TRMT9B: variants seen among roughly 807,000 people sequenced by gnomAD.
The protein encoded by TRMT9B is probable tRNA methyltransferase 9B.
In TRMT9B, 16 loss-of-function variants were observed where a neutral mutation model predicts 11.5. The observed-to-expected ratio is 1.39, with a 90% CI of 0.94 to 2.11. The LOEUF (loss-of-function observed/expected upper bound fraction) is 2.11. Ranked by LOEUF, TRMT9B falls within the 30% of genes most tolerant of loss-of-function variation. The pLI, the probability that TRMT9B is intolerant of heterozygous loss-of-function variation, is 0.00. For synonymous variants in TRMT9B, 274 were observed against 192.4 expected (o/e 1.42, Z -3.51); for missense variants, 941 against 553.8 (o/e 1.70, Z -7.02).
At chr8:12,949,191 C>A (rs1459735740) in intron 1 of TRMT9B, among the ~76,000 whole-genome samples, 1 of 151,608 alleles carries the variant, frequency 6.6e-6, no homozygotes, top group East Asian at 1.9e-4. Context: ...AATCTCCATT[C>A]TAAGAACTCA....
chr8:13,011,656 A>G, intron 3 of TRMT9B: 1 of 979,488 alleles, frequency 1.0e-6, no homozygotes, highest in Non-Finnish European at 1.2e-6. Context: ...TAACATCAGT[A>G]AGACCTCAAT....
At chr8:13,011,458 C>T (rs1393220729) in intron 3 of TRMT9B, 1 of 985,098 alleles carries the variant, frequency 1.0e-6, no homozygotes, top group Admixed American at 6.2e-5. Flanking sequence ...TGGTAGATAT[C>T]TTTTCAGGTA....
intron 1 of TRMT9B, among the ~76,000 whole-genome samples, chr8:12,976,835 A>T (rs1466513047): frequency 3.9e-5 from 6 of 152,142 alleles, no homozygotes; most frequent in Non-Finnish European, 8.8e-5. Flanking sequence ...CCCAGGAAAG[A>T]GCTGCCCAGC....
At position 13,023,761 on chromosome 8, in the gene TRMT9B, C is replaced by G. The variant is rs1175564891; in HGVS notation, c.*1717C>G. ...AACGAATTTCATTTGTTCTTGGGTT[C>G]TTTTTTCCTTTAATGATTGTGCTAT... is the stretch of plus-strand genomic sequence containing the variant. On this transcript the variant is annotated 3_prime_UTR_variant, in exon 5 of 5. Transcript: ENST00000524591. The G allele has an allele frequency of 6.0e-6, 1 of 166,468 alleles. No individual in the cohort carries two copies. The highest frequency in any genetic ancestry group is 2.4e-5 in the African/African-American group (1 of 41,420). The allele number at this position is 166,468 out of a possible 1,614,324, so 10.3% of individuals were successfully genotyped here.
At chr8:12,967,077 C>T (rs1802924116) in intron 1 of TRMT9B, among the ~76,000 whole-genome samples, 1 of 152,104 alleles carries the variant, frequency 6.6e-6, no homozygotes, top group African/African-American at 2.4e-5. Flanking sequence ...TTTAACAGTA[C>T]ACAAAATTCA....
At chr8:12,982,558 A>G (rs1388533725) in intron 1 of TRMT9B, among the ~76,000 whole-genome samples, 1 of 152,024 alleles carries the variant, frequency 6.6e-6, no homozygotes, top group African/African-American at 2.4e-5. Flanking sequence ...GCTACTCGGG[A>G]GGCTGAGATG....
At chr8:12,970,536 C>G (rs1275644584) in intron 1 of TRMT9B, among the ~76,000 whole-genome samples, 1 of 152,152 alleles carries the variant, frequency 6.6e-6, no homozygotes, top group Non-Finnish European at 1.5e-5. Flanking sequence ...TCTGGGCGGT[C>G]CTACAGATTT....
intron 1 of TRMT9B, among the ~76,000 whole-genome samples, chr8:12,984,788 C>G (rs1260059411): frequency 6.6e-6 from 1 of 152,098 alleles, no homozygotes; most frequent in African/African-American, 2.4e-5. Flanking sequence ...CTGACATTCT[C>G]TCATCTACAA....
At chr8:13,006,739 G>C (rs1810552824) in intron 3 of TRMT9B, 4 of 977,432 alleles carry the variant, frequency 4.1e-6, no homozygotes, top group Non-Finnish European at 4.0e-6. Context: ...TGCAATCTCA[G>C]CTTGCTGCAA....
In TRMT9B at chr8:12,991,040, C is replaced by G; in HGVS notation, c.-2+9C>G. The G allele has an allele frequency of 1.7e-6, 2 of 1,199,944 alleles. No homozygotes were observed. Among genetic ancestry groups the G allele is most frequent in the Non-Finnish European group, 2.1e-6 (2 of 940,980 alleles). The allele number at this position is 1,199,944 out of a possible 1,614,324, so 74.3% of individuals were successfully genotyped here. On this transcript the variant is annotated intron_variant, in intron 2 of 4. Coordinates refer to ENST00000524591, the MANE Select transcript of TRMT9B (RefSeq NM_020844.3). ...ATCACAGGATGACTCAGGTTAGTAG[C>G]TTTCAGCGCTTCTGCAACTCACATA... is the stretch of plus-strand genomic sequence containing the variant.
intron 1 of TRMT9B, among the ~76,000 whole-genome samples, chr8:12,984,992 C>G (rs1323266315): frequency 7.3e-6 from 1 of 137,572 alleles, no homozygotes; most frequent in Non-Finnish European, 1.7e-5. Flanking sequence ...CACACACTCT[C>G]TCTCTCACAC....
chr8:12,974,286 A>G (rs1245184888), intron 1 of TRMT9B, among the ~76,000 whole-genome samples: 1 of 151,952 alleles, frequency 6.6e-6, no homozygotes, highest in Admixed American at 6.6e-5. Context: ...GGATGCAACA[A>G]GAGAAGAAAC....
At chr8:12,947,091 C>G (rs947876751) in intron 1 of TRMT9B, among the ~76,000 whole-genome samples, 8 of 152,186 alleles carry the variant, frequency 5.3e-5, no homozygotes, top group African/African-American at 1.9e-4. Flanking sequence ...ATTGTGCTGA[C>G]TAATAAACAG....
At chr8:13,015,933 T>A (rs144555877) in intron 4 of TRMT9B, among the ~76,000 whole-genome samples, 114 of 151,988 alleles carry the variant, frequency 7.5e-4, no homozygotes, top group Non-Finnish European at 1.2e-3. Context: ...TATTTTCAGT[T>A]CGAGTTCACA....
chr8:12,952,326 C>T (rs1800735888), intron 1 of TRMT9B: 1 of 333,574 alleles, frequency 3.0e-6, no homozygotes, highest in South Asian at 2.0e-5. Flanking sequence ...CTAGCGCGTG[C>T]CCCGGAGCCC....
Position 13,022,915 on chromosome 8 carries a change from C to A in TRMT9B, c.*871C>A, listed in dbSNP as rs897816575. ...GGAGGATCACGTGAGCCCAGGAATT[C>A]AAGGCTGCAGTGAACTATGATTGCA... On this transcript the variant is annotated 3_prime_UTR_variant, in exon 5 of 5. Transcript: ENST00000524591. The A allele has an allele frequency of 1.2e-5, 2 of 166,294 alleles. No homozygotes were observed. The highest frequency in any genetic ancestry group is 2.9e-5 in the Non-Finnish European group (2 of 68,076). 10.3% of individuals were successfully genotyped at this position (166,294 alleles called of 1,614,324 possible).
At chr8:12,954,145 T>C (rs760669530) in intron 1 of TRMT9B, among the ~76,000 whole-genome samples, 13 of 152,186 alleles carry the variant, frequency 8.5e-5, no homozygotes, top group Non-Finnish European at 1.3e-4. Context: ...GGAAGGTCAA[T>C]GGGAGTGGGG....
intron 1 of TRMT9B, among the ~76,000 whole-genome samples, chr8:12,985,557 G>C (rs541498959): frequency 1.3e-5 from 2 of 152,252 alleles, no homozygotes; most frequent in South Asian, 4.1e-4. Flanking sequence ...CTCTTATTCT[G>C]TGTTACTCCT....
At chr8:12,971,578 G>A (rs535495163) in intron 1 of TRMT9B, among the ~76,000 whole-genome samples, 5 of 152,230 alleles carry the variant, frequency 3.3e-5, no homozygotes, top group African/African-American at 1.2e-4. Flanking sequence ...AAAGTATTTT[G>A]CTGGCTGAAT....
Sources: allele counts gnomAD v4.1 joint callset (sites outside exome capture counted in the v4.1 genomes callset), GRCh38; gene constraint gnomAD v4.1.1; transcripts MANE v1.5; gene names NCBI Gene and HGNC (gene_info 2026-07-23, HGNC 2026-07-21).